Variants in FRMD4A observed in about 807,000 individuals in gnomAD.
FRMD4A encodes FERM domain-containing protein 4A.
Under a neutral mutation model 129.1 loss-of-function variants are expected in FRMD4A, and 29 were observed. The observed-to-expected ratio is 0.22, with a 90% CI of 0.17 to 0.31. FRMD4A has a LOEUF of 0.31. FRMD4A is among the 10% of genes least tolerant of loss of function. The pLI, the probability that FRMD4A is intolerant of heterozygous loss-of-function variation, is 1.00. For synonymous variants in FRMD4A, 634 were observed against 571.6 expected, an observed-to-expected ratio of 1.11 and a Z score of -1.56; for missense variants, 1,272 against 1,375.8, an observed-to-expected ratio of 0.92 and a Z score of 1.19.
intron 2 of FRMD4A, among the ~76,000 whole-genome samples, chr10:14,285,271 C>T (rs1204597743): frequency 6.6e-6 from 1 of 152,192 alleles, no homozygotes; most frequent in South Asian, 2.1e-4. Context: ...TGGGTCTGAG[C>T]CCAATTATTG....
chr10:13,957,242 G>C (rs939988235), intron 2 of FRMD4A, among the ~76,000 whole-genome samples: 3 of 152,162 alleles, frequency 2.0e-5, no homozygotes, highest in African/African-American at 7.2e-5. Context: ...TTATGTTTCT[G>C]CATCTAACCC....
chr10:13,927,689 T>C (rs1429420686), intron 2 of FRMD4A, among the ~76,000 whole-genome samples: 2 of 152,228 alleles, frequency 1.3e-5, no homozygotes, highest in African/African-American at 4.8e-5. Context: ...GCCAGAACTA[T>C]AAATTCTATA....
chr10:14,155,843 G>C lies in FRMD4A; in HGVS notation c.45+174215C>G, dbSNP rs150289703. Among the ~76,000 whole-genome samples, 405 of 152,286 alleles carry C rather than the reference G, an allele frequency of 2.7e-3. 3 individuals carry two copies. The highest frequency in any genetic ancestry group is 9.6e-3 in the African/African-American group (399 of 41,554). On this transcript the variant is annotated intron_variant, in intron 2 of 24. Transcript: ENST00000357447. Reference sequence around the variant, plus strand: ...AAGCATAATAAGTGTGCCACATGTAGATAGAAACACATTCTTTCTTTTTTG... The same window carrying C: ...AAGCATAATAAGTGTGCCACATGTACATAGAAACACATTCTTTCTTTTTTG...
At chr10:14,272,631 C>T (rs1287340709) in intron 2 of FRMD4A, among the ~76,000 whole-genome samples, 1 of 152,188 alleles carries the variant, frequency 6.6e-6, no homozygotes, top group East Asian at 1.9e-4. Context: ...TTAACTGGCT[C>T]ATGGTTCTGC....
intron 2 of FRMD4A, among the ~76,000 whole-genome samples, chr10:14,107,998 T>C (rs956664472): frequency 3.3e-5 from 5 of 152,294 alleles, no homozygotes; most frequent in Admixed American, 6.5e-5. Context: ...TAAATGCATA[T>C]GTGATTTTGC....
At chr10:14,005,283 A>G (rs999661877) in intron 2 of FRMD4A, among the ~76,000 whole-genome samples, 1 of 152,078 alleles carries the variant, frequency 6.6e-6, no homozygotes, top group African/African-American at 2.4e-5. Flanking sequence ...CGGTCTCCCA[A>G]AGTGCTGGGA....
chr10:13,896,268 C>T (rs1328514136), intron 2 of FRMD4A, among the ~76,000 whole-genome samples: 1 of 152,020 alleles, frequency 6.6e-6, no homozygotes, highest in Non-Finnish European at 1.5e-5. Context: ...TAGAACCAAC[C>T]CAAATGCTAA....
intron 15 of FRMD4A, chr10:13,685,577 T>C (rs2084994580): frequency 2.0e-6 from 2 of 984,948 alleles, no homozygotes; most frequent in Non-Finnish European, 2.4e-6. Flanking sequence ...CCTCATTCTG[T>C]GCTCCCAGCA....
At chr10:14,290,138 G>A (rs970091579) in intron 2 of FRMD4A, among the ~76,000 whole-genome samples, 1 of 152,044 alleles carries the variant, frequency 6.6e-6, no homozygotes, top group Non-Finnish European at 1.5e-5. Flanking sequence ...AAGACTTAAT[G>A]TTGTCCAAAT....
chr10:14,014,020 C>G (rs1165760285), intron 2 of FRMD4A, among the ~76,000 whole-genome samples: 1 of 152,202 alleles, frequency 6.6e-6, no homozygotes, highest in African/African-American at 2.4e-5. Context: ...GCCCTGGCCT[C>G]TGGTCCACTT....
intron 2 of FRMD4A, among the ~76,000 whole-genome samples, chr10:14,243,021 A>G (rs560241310): frequency 5.9e-4 from 88 of 149,208 alleles, no homozygotes; most frequent in Non-Finnish European, 9.7e-4. Flanking sequence ...TAAATAAAAT[A>G]TGGCATCTGT....
At chr10:14,306,352 T>C (rs1191809354) in intron 2 of FRMD4A, among the ~76,000 whole-genome samples, 4 of 152,224 alleles carry the variant, frequency 2.6e-5, no homozygotes, top group Non-Finnish European at 4.4e-5. Context: ...AGAGGTCATC[T>C]GAACTATCAT....
At chr10:13,668,972 T>C (rs1430513305) in intron 17 of FRMD4A, among the ~76,000 whole-genome samples, 1 of 151,748 alleles carries the variant, frequency 6.6e-6, no homozygotes, top group African/African-American at 2.4e-5. Context: ...TTACATACAC[T>C]GGCTCATTCA....
At chr10:14,078,975 G>T (rs1441665594) in intron 2 of FRMD4A, among the ~76,000 whole-genome samples, 1 of 152,198 alleles carries the variant, frequency 6.6e-6, no homozygotes, top group Admixed American at 6.5e-5. Flanking sequence ...GTCTTGAAGG[G>T]TTTCCCTCAG....
chr10:13,955,297 G>A (rs1490046933), intron 2 of FRMD4A, among the ~76,000 whole-genome samples: 3 of 152,134 alleles, frequency 2.0e-5, no homozygotes, highest in South Asian at 2.1e-4. Flanking sequence ...TAGTGGAGAC[G>A]GGGTTTCGCC....
chr10:14,260,459 C>A (rs1040774162), intron 2 of FRMD4A, among the ~76,000 whole-genome samples: 1 of 152,170 alleles, frequency 6.6e-6, no homozygotes, highest in South Asian at 2.1e-4. Context: ...TCCTCTCGGG[C>A]TCAGGGTTCA....
chr10:14,242,785 T>G (rs1307371709), intron 2 of FRMD4A, among the ~76,000 whole-genome samples: 3 of 152,138 alleles, frequency 2.0e-5, no homozygotes, highest in Non-Finnish European at 4.4e-5. Flanking sequence ...AGATTGCTGG[T>G]GAGAGTGAAA....
rs1026874830 is a variant in FRMD4A at position 13,754,481 on chromosome 10, G to A, written c.465-6662C>T. On this transcript the variant is annotated intron_variant, in intron 8 of 24. Coordinates refer to ENST00000357447, the MANE Select transcript of FRMD4A (RefSeq NM_018027.5). ...CTGTTCCTTTCAAAAGCTCTTGCTG[G>A]TGTGAAAGATTCCATCTGCTCTTCA... Among the ~76,000 whole-genome samples the A allele has an allele frequency of 4.6e-5, 7 of 152,176 alleles. No homozygotes were observed. The South Asian group carries it at 8.3e-4, about 18-fold the overall frequency.
intron 2 of FRMD4A, among the ~76,000 whole-genome samples, chr10:14,196,229 A>T (rs1842469736): frequency 6.6e-6 from 1 of 152,120 alleles, no homozygotes; most frequent in Non-Finnish European, 1.5e-5. Flanking sequence ...CAGGAATCCC[A>T]TTACTAGAAG....
Sources: gnomAD v4.1 joint callset for allele counts (sites outside exome capture counted in the v4.1 genomes callset) on GRCh38, gnomAD v4.1.1 for gene constraint, MANE v1.5 for transcripts, NCBI Gene and HGNC (gene_info 2026-07-23, HGNC 2026-07-21) for gene names.